PRC1: variants seen among roughly 807,000 people sequenced by gnomAD.
The protein encoded by PRC1 is anaphase spindle elongation 1 homolog.
PRC1 carries 54 observed loss-of-function variants against 91.2 expected under a neutral mutation model. That is an observed-to-expected ratio of 0.59 (90% CI 0.48 to 0.74). The LOEUF (loss-of-function observed/expected upper bound fraction) is 0.74, where lower values mean the gene tolerates loss of function less well. Among genes scored for constraint, PRC1 ranks in the 30% least tolerant of loss-of-function variants. The pLI is 0.00. For missense variants in PRC1, 727 were observed against 746.2 expected (o/e 0.97, Z 0.30); for synonymous variants, 275 against 263.6 (o/e 1.04, Z -0.42).
At chr15:90,971,765 C>T (rs991421468) in intron 11 of PRC1, among the ~76,000 whole-genome samples, 17 of 151,946 alleles carry the variant, frequency 1.1e-4, no homozygotes, top group African/African-American at 2.9e-4. Context: ...TGGAGGTTCA[C>T]GCCTGTAATC....
At chr15:90,980,739 C>T (rs2039128290) in intron 6 of PRC1, 145 bp downstream of exon 6, 1 of 1,163,670 alleles carries the variant, frequency 8.6e-7, no homozygotes, top group Admixed American at 2.4e-5. Flanking sequence ...CTCCTGACCT[C>T]AAATGATTCA....
chr15:90,976,301 C>G (rs111570116), intron 9 of PRC1, among the ~76,000 whole-genome samples: 2 of 147,948 alleles, frequency 1.4e-5, no homozygotes, highest in African/African-American at 4.9e-5. Context: ...AACTCCTGAC[C>G]TCATGATCAA....
chr15:90,973,706 A>G (rs867147529), intron 11 of PRC1, among the ~76,000 whole-genome samples: 9 of 152,040 alleles, frequency 5.9e-5, no homozygotes, highest in Admixed American at 5.9e-4. Flanking sequence ...GTTACTCTTT[A>G]CTACACTGAG....
chr15:90,972,818 G>A (rs765514743), intron 11 of PRC1: 1 of 152,138 alleles, frequency 6.6e-6, no homozygotes, highest in African/African-American at 2.4e-5. Flanking sequence ...CGTGAACGTT[G>A]TTTTTCACAT....
At chr15:90,993,807 GCA>G (rs1293487152) in intron 1 of PRC1, among the ~76,000 whole-genome samples, 1 of 152,208 alleles carries the variant, frequency 6.6e-6, no homozygotes, top group Non-Finnish European at 1.5e-5. Flanking sequence ...AACGGGCCGG[GCA>G]CGGTGGCTCA....
At chr15:90,977,576 GTTTTTTTTTTT>G (rs777558725) in intron 8 of PRC1, among the ~76,000 whole-genome samples, 5 of 95,478 alleles carry the variant, frequency 5.2e-5, no homozygotes, top group East Asian at 3.6e-4. Context: ...CCTTATTTAC[GTTTTTTTTTTT>G]TTTTTTTTTT....
rs768233879 is a variant in PRC1, at chr15:90,984,804, G to A, written c.33C>T (p.Ser11=). 1.2e-6 allele frequency: 2 copies of A among 1,614,024 alleles called. No individual in the cohort carries two copies. Among genetic ancestry groups the A allele is most frequent in the Non-Finnish European group, 1.7e-6 (2 of 1,180,010 alleles). The change falls in exon 2 of 15, where the codon TCC becomes TCT. Residue 11 remains serine (S), a synonymous_variant. Transcript: ENST00000394249. This position sits in a 1 kb window ranked among gnomAD's most constrained non-coding sequence, Gnocchi z 5.1. Reference sequence around the variant, plus strand: ...TTAGGGCTTTCTGCAGACATACTATGGACTCCTCCGCCAGCACCTCACTGA... The same window carrying A: ...TTAGGGCTTTCTGCAGACATACTATAGACTCCTCCGCCAGCACCTCACTGA... The part of the protein sequence containing the change: MRRSEVLAEE[S]IVCLQKALNH...
In PRC1 at chr15:90,987,090, A is replaced by G. The variant is rs141120842; in HGVS notation, c.12-2265T>C. Among the ~76,000 whole-genome samples, 552 of 148,922 alleles carry G rather than the reference A, an allele frequency of 3.7e-3. 1 individual carries two copies. Among genetic ancestry groups the G allele is most frequent in the South Asian group, 0.014 (67 of 4,634 alleles). On this transcript the variant is annotated intron_variant, in intron 1 of 14. Transcript: ENST00000394249. ...GGAGTTTCAGATCATTCTGGGCAAC[A>G]TAGTGAGACTCTGCGTCTTAAAAAA...
In PRC1 at chr15:90,966,879, T is replaced by C. The variant is rs1021030281; in HGVS notation, c.*252A>G. On this transcript the variant is annotated 3_prime_UTR_variant, in exon 15 of 15. Transcript: ENST00000394249. ...TATGTGGTAGAGAAGTCAGGCCCCA[T>C]ATGCTAAAATTTGCACTTCTTGCCA... is the stretch of plus-strand genomic sequence containing the variant. 4 of 544,840 alleles carry C rather than the reference T, an allele frequency of 7.3e-6. No individual in the cohort carries two copies. In the African/African-American group the frequency reaches 7.6e-5, roughly 10 times the overall value. The allele number at this position is 544,840 out of a possible 1,614,324, so 33.8% of individuals were successfully genotyped here.
chr15:90,969,664 T>G (rs1469340903), intron 12 of PRC1, 41 bp from the exon 13 acceptor site: 2 of 1,542,812 alleles, frequency 1.3e-6, no homozygotes, highest in South Asian at 2.5e-5. Flanking sequence ...ATCCTTCTAA[T>G]GAACGTGCAC....
intron 1 of PRC1, among the ~76,000 whole-genome samples, chr15:90,991,930 A>G (rs2151633290): frequency 6.6e-6 from 1 of 152,260 alleles, no homozygotes; most frequent in Non-Finnish European, 1.5e-5. Flanking sequence ...CTGACTTTCC[A>G]AAGACCTATG....
In PRC1 at chr15:90,984,418, G is replaced by A. The variant is rs1411344508; in HGVS notation, c.144+275C>T. Among the ~76,000 whole-genome samples, 3 of 151,942 alleles carry A rather than the reference G, an allele frequency of 2.0e-5. No individual in the cohort carries two copies. Among genetic ancestry groups the A allele is most frequent in the Non-Finnish European group, 4.4e-5 (3 of 67,982 alleles). ...TAATTTTTTTATTTTTAGTAGAGAC[G>A]GAGGTTCACCATGTTGATCAGGCTG... On this transcript the variant is annotated intron_variant, in intron 2 of 14. Coordinates refer to ENST00000394249, the MANE Select transcript of PRC1 (RefSeq NM_003981.4). The surrounding 1 kb of genome is among the most constrained non-coding windows in gnomAD (Gnocchi z 5.1).
chr15:90,976,808 G>A, intron 8 of PRC1, 37 bp from the exon 9 acceptor site: 2 of 1,519,872 alleles, frequency 1.3e-6, no homozygotes, highest in Non-Finnish European at 9.1e-7. Context: ...GGAAAACCTG[G>A]CACCATGAGA....
intron 14 of PRC1, chr15:90,968,750 C>A: frequency 8.6e-7 from 1 of 1,162,552 alleles, no homozygotes; most frequent in Admixed American, 3.8e-5. Flanking sequence ...GGGCTCCCTT[C>A]CCCATGTGAT....
intron 14 of PRC1, chr15:90,968,435 C>T (rs1343190453): frequency 1.6e-5 from 16 of 985,504 alleles, no homozygotes; most frequent in Non-Finnish European, 1.9e-5. Context: ...GAGGAACATC[C>T]TCTCCTCTTG....
At chr15:90,977,557 G>A (rs1418796959) in intron 8 of PRC1, among the ~76,000 whole-genome samples, 2 of 147,332 alleles carry the variant, frequency 1.4e-5, no homozygotes, top group African/African-American at 2.5e-5. Context: ...AAAGGTTGCT[G>A]CCTTAGCTCC....
At chr15:90,981,210 C>T in intron 5 of PRC1, 177 bp from the exon 6 acceptor site, 1 of 826,308 alleles carries the variant, frequency 1.2e-6, no homozygotes, top group Non-Finnish European at 1.8e-6. Context: ...TCTCAGACCC[C>T]AAGAATTAGC....
In PRC1 at chr15:90,966,916, T is replaced by C. The variant is rs2037543132; in HGVS notation, c.*215A>G. 2 of 578,904 alleles carry C rather than the reference T, an allele frequency of 3.5e-6. No homozygotes were observed. Among genetic ancestry groups the C allele is most frequent in the Non-Finnish European group, 6.2e-6 (2 of 324,728 alleles). The allele number at this position is 578,904 out of a possible 1,614,324, so 35.9% of individuals were successfully genotyped here. On this transcript the variant is annotated 3_prime_UTR_variant, in exon 15 of 15. Coordinates refer to ENST00000394249, the MANE Select transcript of PRC1 (RefSeq NM_003981.4). ...TGCACTTCTTGCCATAAACTTTTCA[T>C]GTATATAAGTCAAAACCAAGTCTCC...
intron 9 of PRC1, 93 bp downstream of exon 9, chr15:90,976,583 T>C (rs2038721026): frequency 9.5e-7 from 1 of 1,052,070 alleles, no homozygotes; most frequent in Non-Finnish European, 1.4e-6. Flanking sequence ...TTGAAGAAAA[T>C]AGTTTTGGGG....
Sources: allele counts gnomAD v4.1 joint callset (sites outside exome capture counted in the v4.1 genomes callset), GRCh38; gene constraint gnomAD v4.1.1; non-coding constraint Gnocchi (gnomAD v3.1); transcripts MANE v1.5; gene names NCBI Gene and HGNC (gene_info 2026-07-23, HGNC 2026-07-21).